Variants in IMMP2L observed in about 807,000 individuals in gnomAD.
IMMP2L encodes inner mitochondrial membrane peptidase subunit 2.
A neutral mutation model predicts 19.3 loss-of-function variants in IMMP2L; 18 were observed. That is an observed-to-expected ratio of 0.93 (90% CI 0.64 to 1.38). The LOEUF (loss-of-function observed/expected upper bound fraction) is 1.38. IMMP2L is among the 40% of genes most tolerant of loss of function. The pLI, the probability that IMMP2L is intolerant of heterozygous loss-of-function variation, is 0.00. For synonymous variants in IMMP2L, 76 were observed against 73.0 expected (o/e 1.04, Z -0.21); for missense variants, 233 against 218.2 (o/e 1.07, Z -0.43).
chr7:111,352,214 T>C (rs1486158212), intron 3 of IMMP2L, among the ~76,000 whole-genome samples: 1 of 152,048 alleles, frequency 6.6e-6, no homozygotes, highest in East Asian at 1.9e-4. Flanking sequence ...ATGGGAGAAG[T>C]ATTTTTTAAG....
rs1819870457 is a variant in IMMP2L at position 110,969,122 on chromosome 7, T to TGAAAAGCA, written c.240-5558_240-5557insTGCTTTTC. Among the ~76,000 whole-genome samples, 4 of 152,226 alleles carry TGAAAAGCA rather than the reference T, an allele frequency of 2.6e-5. No homozygotes were observed. The South Asian group carries it at 8.3e-4, about 32-fold the overall frequency. On this transcript the variant is annotated intron_variant, in intron 3 of 5. Transcript: ENST00000405709. ...TGAATCCATATTGAAAAGCACAGGT[T>TGAAAAGCA]TATTTTAAATTAGATAGGTATTATC...
intron 4 of IMMP2L, among the ~76,000 whole-genome samples, chr7:110,898,310 T>C (rs1478255498): frequency 7.4e-6 from 1 of 134,898 alleles, no homozygotes; most frequent in Non-Finnish European, 1.5e-5. Context: ...CTCCCATTTG[T>C]TTTTTCCCTC....
chr7:111,389,734 CA>C (rs769049478), intron 3 of IMMP2L, among the ~76,000 whole-genome samples: 2 of 151,988 alleles, frequency 1.3e-5, no homozygotes, highest in East Asian at 1.9e-4. Context: ...GATTAAAAAA[CA>C]AAGACATGTT....
intron 4 of IMMP2L, among the ~76,000 whole-genome samples, chr7:110,927,677 A>T (rs566718037): frequency 7.2e-5 from 11 of 152,132 alleles, no homozygotes; most frequent in Admixed American, 1.3e-4. Flanking sequence ...GTTCTCTCCT[A>T]GAACTTCCAG....
intron 5 of IMMP2L, among the ~76,000 whole-genome samples, chr7:110,861,248 T>A (rs1359311646): frequency 6.6e-6 from 1 of 152,050 alleles, no homozygotes; most frequent in African/African-American, 2.4e-5. Context: ...TGAAACATTT[T>A]TCCATTAATA....
Position 111,108,331 on chromosome 7 carries a change from T to A in IMMP2L, c.240-144766A>T, listed in dbSNP as rs970506718. On this transcript the variant is annotated intron_variant, in intron 3 of 5. Coordinates refer to ENST00000405709, the MANE Select transcript of IMMP2L (RefSeq NM_032549.4). ...CAGCTTTTTACATTAATTCTGAAAG[T>A]CTGTGGCACTTTCAATCATTAAGAA... Among the ~76,000 whole-genome samples, 4 of 152,178 alleles carry A rather than the reference T, an allele frequency of 2.6e-5. No homozygotes were observed. In the South Asian group the frequency reaches 6.2e-4, roughly 24 times the overall value.
At chr7:110,997,339 A>G (rs1403068178) in intron 3 of IMMP2L, among the ~76,000 whole-genome samples, 3 of 152,054 alleles carry the variant, frequency 2.0e-5, no homozygotes, top group Admixed American at 6.6e-5. Flanking sequence ...GCTATTACAC[A>G]TAAAGATGCT....
intron 3 of IMMP2L, among the ~76,000 whole-genome samples, chr7:111,334,339 T>C (rs1263878947): frequency 1.3e-5 from 2 of 152,078 alleles, no homozygotes; most frequent in African/African-American, 4.8e-5. Context: ...GCTTGGCTTA[T>C]TTCACTTAAC....
At chr7:110,718,316 G>A (rs1242795619) in intron 5 of IMMP2L, among the ~76,000 whole-genome samples, 1 of 152,180 alleles carries the variant, frequency 6.6e-6, no homozygotes, top group African/African-American at 2.4e-5. Context: ...TAGAAGTGAA[G>A]TAGGAATTCT....
intron 5 of IMMP2L, among the ~76,000 whole-genome samples, chr7:110,833,538 G>T (rs1228009165): frequency 6.6e-6 from 1 of 151,938 alleles, no homozygotes; most frequent in African/African-American, 2.4e-5. Flanking sequence ...CCATCTGGGG[G>T]GATGGCTGAT....
At chr7:110,928,906 G>T (rs961071336) in intron 4 of IMMP2L, among the ~76,000 whole-genome samples, 2 of 152,096 alleles carry the variant, frequency 1.3e-5, no homozygotes, top group Admixed American at 6.6e-5. Context: ...ACAAAATGTA[G>T]TGACCTAGCC....
Position 111,459,201 on chromosome 7 carries a change from T to G in IMMP2L, c.239+28037A>C, listed in dbSNP as rs186151823. Reference sequence around the variant, plus strand: ...GATTTTTCAATATTACAAAGAAAACTGTTATCTTATCATTATACATATTTT... The same window carrying G: ...GATTTTTCAATATTACAAAGAAAACGGTTATCTTATCATTATACATATTTT... On this transcript the variant is annotated intron_variant, in intron 3 of 5. Coordinates refer to ENST00000405709, the MANE Select transcript of IMMP2L (RefSeq NM_032549.4). 4.9e-3 allele frequency among the ~76,000 whole-genome samples: 747 copies of G among 152,244 alleles called. 3 individuals are homozygous for G. The highest frequency in any genetic ancestry group is 0.02 in the Middle Eastern group (6 of 294).
chr7:111,414,290 G>C (rs1432508912), intron 3 of IMMP2L, among the ~76,000 whole-genome samples: 2 of 151,784 alleles, frequency 1.3e-5, no homozygotes, highest in African/African-American at 4.9e-5. Flanking sequence ...GTAGCTTCCT[G>C]AATCAACAAA....
intron 5 of IMMP2L, among the ~76,000 whole-genome samples, chr7:110,806,997 T>C (rs560561742): frequency 6.6e-6 from 1 of 152,124 alleles, no homozygotes; most frequent in South Asian, 2.1e-4. Context: ...ATGTCTGTTC[T>C]GATTATCCAT....
intron 3 of IMMP2L, among the ~76,000 whole-genome samples, chr7:111,455,186 G>C (rs550337472): frequency 3.0e-4 from 46 of 151,640 alleles, no homozygotes; most frequent in African/African-American, 1.1e-3. Context: ...GAAATGAAAT[G>C]GATAATTGGC....
intron 3 of IMMP2L, among the ~76,000 whole-genome samples, chr7:111,139,100 G>T (rs967994760): frequency 1.3e-5 from 2 of 151,788 alleles, no homozygotes; most frequent in African/African-American, 4.8e-5. Flanking sequence ...ATATCCATTT[G>T]ATATCTAGTA....
chr7:111,208,510 A>T (rs1485295841), intron 3 of IMMP2L, among the ~76,000 whole-genome samples: 1 of 152,222 alleles, frequency 6.6e-6, no homozygotes, highest in African/African-American at 2.4e-5. Context: ...CTGGCAGGTT[A>T]TGAAATGTTT....
intron 3 of IMMP2L, among the ~76,000 whole-genome samples, chr7:111,470,645 G>A (rs1841162007): frequency 7.0e-6 from 1 of 142,998 alleles, no homozygotes; most frequent in Non-Finnish European, 1.5e-5. Context: ...AACACCGCAT[G>A]TTCTCACTCA....
At chr7:111,260,815 T>C (rs1817239619) in intron 3 of IMMP2L, among the ~76,000 whole-genome samples, 1 of 152,116 alleles carries the variant, frequency 6.6e-6, no homozygotes, top group South Asian at 2.1e-4. Flanking sequence ...CAATAGAGAA[T>C]TTTTTATTGT....
Sources: allele counts gnomAD v4.1 joint callset (sites outside exome capture counted in the v4.1 genomes callset), GRCh38; gene constraint gnomAD v4.1.1; transcripts MANE v1.5; gene names NCBI Gene and HGNC (gene_info 2026-07-23, HGNC 2026-07-21).